Variants in LHFPL6 observed in about 807,000 individuals in gnomAD.
LHFPL6 encodes the protein LHFPL tetraspan subfamily member 6 protein.
Under a neutral mutation model 20.6 loss-of-function variants are expected in LHFPL6, and 9 were observed. That is an observed-to-expected ratio of 0.44 (90% CI 0.26 to 0.76). The LOEUF is 0.76. Among genes scored for constraint, LHFPL6 ranks in the 30% least tolerant of loss-of-function variants. The pLI is 0.20. For synonymous variants in LHFPL6, 105 were observed against 98.7 expected (o/e 1.06, Z -0.38); for missense variants, 218 against 253.5 (o/e 0.86, Z 0.95).
chr13:39,475,373 G>A (rs1415032799), intron 2 of LHFPL6, among the ~76,000 whole-genome samples: 1 of 151,334 alleles, frequency 6.6e-6, no homozygotes. Flanking sequence ...AACTTTCAAT[G>A]TTAGTAACAA....
chr13:39,375,273 A>T (rs1393998373), intron 3 of LHFPL6, among the ~76,000 whole-genome samples: 1 of 152,234 alleles, frequency 6.6e-6, no homozygotes, highest in African/African-American at 2.4e-5. Context: ...CCCACCAGCT[A>T]CAGTTCCAGG....
chr13:39,440,825 C>T (rs982080096), intron 2 of LHFPL6, among the ~76,000 whole-genome samples: 13 of 152,262 alleles, frequency 8.5e-5, no homozygotes, highest in South Asian at 6.2e-4. Flanking sequence ...GATTGAATTA[C>T]GGGGGCAGAT....
At chr13:39,562,351 CAT>C (rs1168888685) in intron 2 of LHFPL6, among the ~76,000 whole-genome samples, 1 of 145,804 alleles carries the variant, frequency 6.9e-6, no homozygotes, top group African/African-American at 2.5e-5. Flanking sequence ...TATATATATA[CAT>C]ATATATACAT....
chr13:39,389,829 T>G (rs1870658587), intron 2 of LHFPL6, among the ~76,000 whole-genome samples: 1 of 152,200 alleles, frequency 6.6e-6, no homozygotes, highest in Non-Finnish European at 1.5e-5. Flanking sequence ...AGTGCAGAGC[T>G]CAGGTAGAGA....
intron 2 of LHFPL6, among the ~76,000 whole-genome samples, chr13:39,539,687 A>G (rs1481414914): frequency 6.6e-6 from 1 of 152,230 alleles, no homozygotes; most frequent in Non-Finnish European, 1.5e-5. Flanking sequence ...TGCAGATTCA[A>G]TTAAAATGTG....
chr13:39,491,928 A>C (rs1868939915), intron 2 of LHFPL6, among the ~76,000 whole-genome samples: 1 of 152,250 alleles, frequency 6.6e-6, no homozygotes. Flanking sequence ...ATGACATTAA[A>C]GATGTTTAAA....
Position 39,475,139 on chromosome 13 carries a change from T to A in LHFPL6, c.386-96613A>T, listed in dbSNP as rs57984176. On this transcript the variant is annotated intron_variant, in intron 2 of 3. Transcript: ENST00000379589. ...ACAGCCGACAGACAGAGCTGAGTAG[T>A]GGAGCTGGGAGGGGCACATCAGGCA... Among the ~76,000 whole-genome samples, 599 of 152,058 alleles carry A rather than the reference T, an allele frequency of 3.9e-3. 5 individuals carry two copies. Among genetic ancestry groups the A allele is most frequent in the African/African-American group, 0.013 (551 of 41,490 alleles).
In LHFPL6 at chr13:39,557,532, A is replaced by G. The variant is rs145361217; in HGVS notation, c.385+43300T>C. On this transcript the variant is annotated intron_variant, in intron 2 of 3. Coordinates refer to ENST00000379589, the MANE Select transcript of LHFPL6 (RefSeq NM_005780.3). ...GGGCACTACCTAGTGGAGCTGTGGCAAGGGGGCTGCCGCCCTCTAGTCCCA... is the reference window on the plus strand; with the variant it reads ...GGGCACTACCTAGTGGAGCTGTGGCGAGGGGGCTGCCGCCCTCTAGTCCCA... Among the ~76,000 whole-genome samples the G allele has an allele frequency of 2.3e-3, 357 of 152,366 alleles. 2 individuals carry two copies. Among genetic ancestry groups the G allele is most frequent in the African/African-American group, 7.8e-3 (325 of 41,598 alleles).
At chr13:39,555,888 G>A (rs937668010) in intron 2 of LHFPL6, among the ~76,000 whole-genome samples, 2 of 152,140 alleles carry the variant, frequency 1.3e-5, no homozygotes, top group Non-Finnish European at 2.9e-5. Context: ...CTGGATCATG[G>A]GGGCAGGTCT....
intron 2 of LHFPL6, among the ~76,000 whole-genome samples, chr13:39,590,842 A>G (rs1478263364): frequency 1.3e-5 from 2 of 152,196 alleles, no homozygotes; most frequent in East Asian, 3.9e-4. Context: ...TTTTCACAAG[A>G]TAGGTCAACA....
intron 2 of LHFPL6, among the ~76,000 whole-genome samples, chr13:39,561,103 T>C (rs1871464791): frequency 6.6e-6 from 1 of 151,872 alleles, no homozygotes; most frequent in African/African-American, 2.4e-5. Flanking sequence ...TTTCCTACTT[T>C]TCTGCTTGGT....
At chr13:39,347,641 G>A (rs1869445828) in intron 3 of LHFPL6, among the ~76,000 whole-genome samples, 1 of 152,132 alleles carries the variant, frequency 6.6e-6, no homozygotes, top group African/African-American at 2.4e-5. Context: ...ATTTTTCACT[G>A]GTAACCGAGT....
intron 2 of LHFPL6, among the ~76,000 whole-genome samples, chr13:39,391,031 C>T (rs1381102726): frequency 6.6e-6 from 1 of 152,012 alleles, no homozygotes; most frequent in Non-Finnish European, 1.5e-5. Context: ...AATAAGAATC[C>T]AATCCAAAAA....
intron 2 of LHFPL6, among the ~76,000 whole-genome samples, chr13:39,419,770 A>G (rs1871433979): frequency 6.6e-6 from 1 of 152,140 alleles, no homozygotes; most frequent in South Asian, 2.1e-4. Flanking sequence ...TCCTGCTTGC[A>G]AAGAGTTCAT....
chr13:39,452,699 G>A (rs1593318151), intron 2 of LHFPL6, among the ~76,000 whole-genome samples: 1 of 152,144 alleles, frequency 6.6e-6, no homozygotes, highest in Non-Finnish European at 1.5e-5. Context: ...CCACAATTAA[G>A]ATGCTGAAGA....
chr13:39,602,397 C>T (rs1304787865), intron 1 of LHFPL6, among the ~76,000 whole-genome samples: 2 of 152,158 alleles, frequency 1.3e-5, no homozygotes, highest in African/African-American at 2.4e-5. Flanking sequence ...TTCTGGATGT[C>T]ACTCAAACGG....
intron 2 of LHFPL6, among the ~76,000 whole-genome samples, chr13:39,465,947 G>A (rs1464434352): frequency 3.3e-5 from 5 of 151,936 alleles, no homozygotes; most frequent in Non-Finnish European, 5.9e-5. Flanking sequence ...GATGGGTGGC[G>A]GCTTCCTCCA....
intron 2 of LHFPL6, among the ~76,000 whole-genome samples, chr13:39,523,426 G>A (rs765881136): frequency 8.4e-4 from 128 of 152,162 alleles, no homozygotes; most frequent in Non-Finnish European, 1.6e-3. Context: ...AAAATTAACC[G>A]GGCGAGGTGG....
chr13:39,429,196 T>TGCATATC (rs1215293828), intron 2 of LHFPL6, among the ~76,000 whole-genome samples: 1 of 151,620 alleles, frequency 6.6e-6, no homozygotes, highest in Admixed American at 6.6e-5. Flanking sequence ...GTTTTTTTTT[T>TGCATATC]CTATTGTTCT....
Sources: allele counts gnomAD v4.1 joint callset (sites outside exome capture counted in the v4.1 genomes callset), GRCh38; gene constraint gnomAD v4.1.1; transcripts MANE v1.5; gene names NCBI Gene and HGNC (gene_info 2026-07-23, HGNC 2026-07-21).